EPG5: variants seen among roughly 807,000 people sequenced by gnomAD.
The protein encoded by EPG5 is ectopic P granules protein 5 homolog.
EPG5 carries 159 observed loss-of-function variants against 302.7 expected under a neutral mutation model. The observed-to-expected ratio is 0.53, with a 90% CI of 0.46 to 0.60. The LOEUF is 0.60. Among genes scored for constraint, EPG5 ranks in the 20% least tolerant of loss-of-function variants. The pLI is 0.00. For missense variants in EPG5, 2,896 were observed against 3,092.4 expected (o/e 0.94, Z 1.51); for synonymous variants, 1,158 against 1,136.8 (o/e 1.02, Z -0.37).
At chr18:45,821,958 A>C in the EPG5 span, among the ~76,000 whole-genome samples, 1 of 152,174 alleles carries the variant, frequency 6.6e-6, no homozygotes, top group African/African-American at 2.4e-5. Flanking sequence ...CAAAAAAATT[A>C]CATATAGTGA....
Position 45,910,735 on chromosome 18 carries a change from T to C in EPG5, c.3991A>G (p.Ile1331Val), listed in dbSNP as rs775284965. ...AACCTTCTTCCAATACAACCATCTA[T>C]GGGTAACCTTAAAAAACACAAGCAC... Reference protein sequence around the residue: ...HRPGPQYGLPIDGCIGRRFFQ... With the variant: ...HRPGPQYGLPVDGCIGRRFFQ... Residue 1331 changes from isoleucine (I) to valine (V), a missense_variant, in exon 23 of 44, where the codon ATA becomes GTA. Physicochemically the swap from Ile to Val is conservative, Grantham distance 29 (BLOSUM62 3). Transcript: ENST00000282041. The C allele has an allele frequency of 6.2e-6, 10 of 1,613,202 alleles. No individual in the cohort carries two copies. The Admixed American group carries it at 6.7e-5, about 11-fold the overall frequency.
chr18:45,904,140 T>A, intron 24 of EPG5, 23 bp from the exon 25 acceptor site: 1 of 1,600,848 alleles, frequency 6.2e-7, no homozygotes, highest in Non-Finnish European at 8.5e-7. Context: ...GACAGTACTT[T>A]AACTCTGACA....
chr18:45,837,664 G>T, the EPG5 span: 1 of 1,496,720 alleles, frequency 6.7e-7, no homozygotes, highest in Non-Finnish European at 8.8e-7. Flanking sequence ...AGCCCTATGC[G>T]GGCCCGCAGG....
intron 21 of EPG5, among the ~76,000 whole-genome samples, chr18:45,913,069 C>T (rs992195772): frequency 1.4e-5 from 2 of 144,438 alleles, no homozygotes; most frequent in Non-Finnish European, 3.0e-5. Flanking sequence ...CCAGCCCGGG[C>T]GACAGGGCAA....
intron 22 of EPG5, 95 bp from the exon 23 acceptor site, chr18:45,910,837 GTGA>G: frequency 1.1e-6 from 1 of 907,442 alleles, no homozygotes. Flanking sequence ...GCAATTTACT[GTGA>G]TTGTGGATAT....
chr18:45,863,637 T>G (rs1237655325), intron 39 of EPG5, among the ~76,000 whole-genome samples: 1 of 152,172 alleles, frequency 6.6e-6, no homozygotes, highest in Non-Finnish European at 1.5e-5. Flanking sequence ...TACCTCGTCT[T>G]CATCATTAAA....
chr18:45,960,324 C>T (rs1048426741), intron 1 of EPG5, among the ~76,000 whole-genome samples: 1 of 152,134 alleles, frequency 6.6e-6, no homozygotes, highest in Non-Finnish European at 1.5e-5. Context: ...AGTGCACTGG[C>T]TATTTGCAGG....
chr18:45,949,668 T>C (rs2050861571), intron 4 of EPG5, 77 bp from the exon 5 acceptor site: 2 of 866,906 alleles, frequency 2.3e-6, no homozygotes, highest in African/African-American at 3.4e-5. Context: ...TAAAGTCATT[T>C]ATCCAGTGCT....
At chr18:45,951,571 G>A (rs529017949) in intron 3 of EPG5, among the ~76,000 whole-genome samples, 1 of 151,522 alleles carries the variant, frequency 6.6e-6, no homozygotes, top group East Asian at 1.9e-4. Flanking sequence ...CCATTCTCCT[G>A]CCTCAGCCTC....
the EPG5 span, among the ~76,000 whole-genome samples, chr18:45,808,630 G>A: frequency 6.6e-6 from 1 of 152,112 alleles, no homozygotes; most frequent in African/African-American, 2.4e-5. Context: ...GTGAAACCAA[G>A]CTTCATATAC....
chr18:45,880,216 C>G lies in EPG5; in HGVS notation c.5526G>C (p.Ala1842=). The part of the protein sequence containing the change: ...DILRLLMQSS[A]EQLLSPECWK... ...AACACTCGGGGCTCAGAAGCTGCTC[C>G]GCGGAGCCTGCCAGCAGGGACAGGA... The change falls in exon 32 of 44, where the codon GCG becomes GCC. Residue 1842 remains alanine, a synonymous_variant. Transcript: ENST00000282041. 6.3e-7 allele frequency: 1 copy of G among 1,594,256 alleles called. No individual in the cohort carries two copies. Among genetic ancestry groups the G allele is most frequent in the Non-Finnish European group, 8.6e-7 (1 of 1,168,894 alleles).
rs1381233339 is a variant in EPG5, at chr18:45,880,090, G to A, written c.5652C>T (p.Leu1884=). The change falls in exon 32 of 44, where the codon CTC becomes CTT. Residue 1884 remains leucine (L), a synonymous_variant. Coordinates refer to ENST00000282041, the MANE Select transcript of EPG5 (RefSeq NM_020964.3). The part of the protein sequence containing the change: ...GAVLPSSSDA[L]LSDKQVMETI... ...GGCTACACACCTGCTTGTCTGACAA[G>A]AGAGCATCAGAAGAGCTGGGAAGCA... The A allele has an allele frequency of 1.3e-6, 2 of 1,597,548 alleles. No homozygotes were observed. Among genetic ancestry groups the A allele is most frequent in the East Asian group, 2.2e-5 (1 of 44,462 alleles).
chr18:45,950,374 G>A (rs1359178682), intron 4 of EPG5, among the ~76,000 whole-genome samples: 1 of 152,060 alleles, frequency 6.6e-6, no homozygotes, highest in African/African-American at 2.4e-5. Flanking sequence ...GAATCATGGG[G>A]GCCGGTCTTT....
rs1599409419 is a variant in EPG5, at chr18:45,850,665, TTTTA to T, written c.*1798_*1801del. 6.6e-6 allele frequency: 1 copy of T among 152,620 alleles called. No homozygotes were observed. Among genetic ancestry groups the T allele is most frequent in the Non-Finnish European group, 1.5e-5 (1 of 68,042 alleles). The allele number at this position is 152,620 out of a possible 1,614,324, so 9.5% of individuals were successfully genotyped here. ...AACAGTTACAACCAAAGATAAATGA[TTTTA>T]TTTTTTATAATTTTTACAGACCAAA... On this transcript the variant is annotated 3_prime_UTR_variant, in exon 44 of 44. Coordinates refer to ENST00000282041, the MANE Select transcript of EPG5 (RefSeq NM_020964.3).
rs186264694 is a variant in EPG5, at chr18:45,855,768, C to T, written c.7443-81G>A. 197 of 890,898 alleles carry T rather than the reference C, an allele frequency of 2.2e-4. 3 individuals carry two copies. The highest frequency in any genetic ancestry group is 1.5e-3 in the East Asian group (61 of 39,698). 55.2% of individuals were successfully genotyped at this position (890,898 alleles called of 1,614,324 possible). A position where few individuals can be genotyped will look rare whatever the true frequency, so the allele number is the denominator to read the frequency against. Reference sequence around the variant, plus strand: ...GAAATAAACACCATATTTTCTATGACATAAAAAGATGAACACATTTCCAGA... The same window carrying T: ...GAAATAAACACCATATTTTCTATGATATAAAAAGATGAACACATTTCCAGA... On this transcript the variant is annotated intron_variant, in intron 42 of 43. Coordinates refer to ENST00000282041, the MANE Select transcript of EPG5 (RefSeq NM_020964.3).
chr18:45,923,469 A>G lies in EPG5; in HGVS notation c.2719-82T>C. On this transcript the variant is annotated intron_variant, in intron 14 of 43. Coordinates refer to ENST00000282041, the MANE Select transcript of EPG5 (RefSeq NM_020964.3). ...ACCTTTGAATCAAAACATTAGGCAG[A>G]ATAGTAACAAAGGATCTTCGATGTA... is the stretch of plus-strand genomic sequence containing the variant. The G allele has an allele frequency of 2.1e-6, 3 of 1,412,284 alleles. No individual in the cohort carries two copies. The South Asian group carries it at 3.8e-5, about 18-fold the overall frequency. The allele number at this position is 1,412,284 out of a possible 1,614,324, so 87.5% of individuals were successfully genotyped here.
chr18:45,801,318 G>A, the EPG5 span, among the ~76,000 whole-genome samples: 9 of 152,276 alleles, frequency 5.9e-5, no homozygotes, highest in East Asian at 1.9e-4. Flanking sequence ...TTACAGGCGT[G>A]AGCCACCACA....
At chr18:45,842,312 C>T in the EPG5 span, 3 of 1,000,456 alleles carry the variant, frequency 3.0e-6, no homozygotes, top group East Asian at 5.1e-5. Context: ...GTGGCTCCTC[C>T]CCTGCTCAAG....
At position 45,955,068 on chromosome 18, in the gene EPG5, AG is replaced by A; in HGVS notation, c.333del (p.Cys112ValfsTer21). ...GGAGTGACTGCACTGTCCCCCACAC[AG>A]GGTCTGGCCTCTCCCCCTTCCTTTG... ...EPPKEGGEAR[P>X]CVGDSAVTPK... On this transcript the variant is annotated frameshift_variant, in exon 2 of 44. Coordinates refer to ENST00000282041, the MANE Select transcript of EPG5 (RefSeq NM_020964.3). LOFTEE classifies it high-confidence loss of function. The A allele has an allele frequency of 3.1e-6, 5 of 1,614,038 alleles. No homozygotes were observed. The highest frequency in any genetic ancestry group is 4.2e-6 in the Non-Finnish European group (5 of 1,179,982).
Sources: allele counts gnomAD v4.1 joint callset (sites outside exome capture counted in the v4.1 genomes callset), GRCh38; gene constraint gnomAD v4.1.1; transcripts MANE v1.5; gene names NCBI Gene and HGNC (gene_info 2026-07-23, HGNC 2026-07-21).